The following KRABD5 variants were observed in gnomAD, a reference collection of about 807,000 sequenced individuals.
KRABD5 encodes the protein KRAB domain containing 5.
the KRABD5 span, among the ~76,000 whole-genome samples, chr16:31,735,203 ATC>A: frequency 6.6e-6 from 1 of 151,980 alleles, no homozygotes. Flanking sequence ...TTAACATGAT[ATC>A]TCATGGTTCA....
chr16:31,754,071 T>C, the KRABD5 span: 1 of 805,408 alleles, frequency 1.2e-6, no homozygotes, highest in Non-Finnish European at 2.1e-6. Flanking sequence ...ACATCAATTT[T>C]TGAAACTTAC....
At chr16:31,735,384 C>A in the KRABD5 span, among the ~76,000 whole-genome samples, 1 of 152,102 alleles carries the variant, frequency 6.6e-6, no homozygotes. Context: ...GGGAATGCAG[C>A]TATGTTTTTG....
the KRABD5 span, among the ~76,000 whole-genome samples, chr16:31,747,137 C>T: frequency 7.6e-6 from 1 of 131,290 alleles, no homozygotes. Context: ...CTATCCCTAC[C>T]CCCTCCCCCC....
At chr16:31,758,543 G>A in the KRABD5 span, 1 of 151,902 alleles carries the variant, frequency 6.6e-6, no homozygotes, top group East Asian at 1.9e-4. Flanking sequence ...GGAGGCCTCT[G>A]CGGGTGGATC....
the KRABD5 span, among the ~76,000 whole-genome samples, chr16:31,724,493 C>T: frequency 6.6e-6 from 1 of 151,840 alleles, no homozygotes; most frequent in Non-Finnish European, 1.5e-5. Flanking sequence ...TGAGACCATC[C>T]TGGCTAACAC....
At chr16:31,737,292 A>G in the KRABD5 span, among the ~76,000 whole-genome samples, 1 of 152,240 alleles carries the variant, frequency 6.6e-6, no homozygotes, top group Non-Finnish European at 1.5e-5. Context: ...GACCTTGTTT[A>G]TAATAAAAAC....
chr16:31,743,224 A>G, the KRABD5 span, among the ~76,000 whole-genome samples: 1 of 152,232 alleles, frequency 6.6e-6, no homozygotes, highest in South Asian at 2.1e-4. Flanking sequence ...AGTATTGCCA[A>G]GATTTTCTTC....
chr16:31,749,436 C>T, the KRABD5 span, among the ~76,000 whole-genome samples: 5 of 152,360 alleles, frequency 3.3e-5, no homozygotes, highest in Admixed American at 2.6e-4. Context: ...CCAAGGAGCT[C>T]AAATGGCTTA....
chr16:31,746,114 A>G, the KRABD5 span, among the ~76,000 whole-genome samples: 2 of 152,100 alleles, frequency 1.3e-5, no homozygotes, highest in East Asian at 3.9e-4. Context: ...TAGCCCATTT[A>G]TATTTAAGGT....
the KRABD5 span, chr16:31,723,290 T>G: frequency 6.2e-7 from 1 of 1,613,454 alleles, no homozygotes; most frequent in Admixed American, 1.7e-5. Flanking sequence ...CCTGATCACC[T>G]TTTTGGAGCA....
At chr16:31,716,303 A>G in the KRABD5 span, among the ~76,000 whole-genome samples, 2 of 152,164 alleles carry the variant, frequency 1.3e-5, no homozygotes, top group Non-Finnish European at 2.9e-5. Flanking sequence ...CAGTATCTGT[A>G]GCACAAACCA....
chr16:31,752,594 G>A, the KRABD5 span, among the ~76,000 whole-genome samples: 1 of 152,120 alleles, frequency 6.6e-6, no homozygotes, highest in Non-Finnish European at 1.5e-5. Context: ...AAAATGCCAG[G>A]TTCAGTTGCT....
chr16:31,724,824 CTT>C, the KRABD5 span, among the ~76,000 whole-genome samples: 3 of 152,040 alleles, frequency 2.0e-5, no homozygotes, highest in African/African-American at 7.2e-5. Context: ...AGTTTGTACT[CTT>C]TGACCAGTAT....
chr16:31,728,646 G>GA, the KRABD5 span, among the ~76,000 whole-genome samples: 10 of 150,652 alleles, frequency 6.6e-5, no homozygotes, highest in South Asian at 2.1e-4. Context: ...AGTGCAATCA[G>GA]AAAAAAAAAC....
At chr16:31,745,775 G>A in the KRABD5 span, among the ~76,000 whole-genome samples, 1 of 152,158 alleles carries the variant, frequency 6.6e-6, no homozygotes, top group Non-Finnish European at 1.5e-5. Flanking sequence ...AAGTCTCTAA[G>A]AACTTGTTTT....
the KRABD5 span, chr16:31,722,767 C>A: frequency 6.4e-7 from 1 of 1,569,154 alleles, no homozygotes; most frequent in Non-Finnish European, 8.6e-7. Context: ...GGATAACTTG[C>A]CTTTGGAATA....
At chr16:31,742,198 A>AC in the KRABD5 span, among the ~76,000 whole-genome samples, 3 of 151,144 alleles carry the variant, frequency 2.0e-5, no homozygotes, top group Non-Finnish European at 4.4e-5. Context: ...TTCCTCAAAA[A>AC]AAAAAAAGAT....
the KRABD5 span, chr16:31,760,336 T>G: frequency 3.3e-5 from 1 of 30,248 alleles, no homozygotes; most frequent in African/African-American, 1.4e-4. Context: ...CACCAAAAAA[T>G]TTTGGCTTGA....
the KRABD5 span, among the ~76,000 whole-genome samples, chr16:31,727,743 C>G: frequency 1.3e-5 from 2 of 152,112 alleles, no homozygotes; most frequent in African/African-American, 4.8e-5. Context: ...TCATTCATTT[C>G]TAAGAATCTG....
Sources: gnomAD v4.1 joint callset for allele counts (sites outside exome capture counted in the v4.1 genomes callset) on GRCh38, gnomAD v4.1.1 for gene constraint, MANE v1.5 for transcripts, NCBI Gene and HGNC (gene_info 2026-07-23, HGNC 2026-07-21) for gene names.